Variants in SPSB1 observed in about 807,000 individuals in gnomAD.
The protein encoded by SPSB1 is SPRY domain-containing SOCS box protein 1.
SPSB1 carries 8 observed loss-of-function variants against 21.2 expected under a neutral mutation model. The ratio of observed to expected loss-of-function variants is 0.38; its 90% CI spans 0.22 to 0.68. SPSB1 has a LOEUF of 0.68. Among genes scored for constraint, SPSB1 ranks in the 30% least tolerant of loss-of-function variants. SPSB1 has a pLI of 0.53. For missense variants in SPSB1, 242 were observed against 377.8 expected (o/e 0.64, Z 2.98); for synonymous variants, 169 against 161.7 (o/e 1.05, Z -0.34).
chr1:9,347,830 G>GTT (rs1640188396), intron 1 of SPSB1, among the ~76,000 whole-genome samples: 1 of 151,960 alleles, frequency 6.6e-6, no homozygotes, highest in Non-Finnish European at 1.5e-5. Context: ...GGACTGCCTC[G>GTT]TTGTACCTGC....
Position 9,369,333 on chromosome 1 carries a change from G to T in SPSB1, c.*1758G>T, listed in dbSNP as rs1416073116. On this transcript the variant is annotated 3_prime_UTR_variant, in exon 3 of 3. Coordinates refer to ENST00000328089, the MANE Select transcript of SPSB1 (RefSeq NM_025106.4). ...GATCCCAGCTTATGGCCTTGACCCA[G>T]CCGTCCTCACAGATGCCGGGTGACC... is the stretch of plus-strand genomic sequence containing the variant. 6.6e-6 allele frequency: 1 copy of T among 151,908 alleles called. No homozygotes were observed. Among genetic ancestry groups the T allele is most frequent in the East Asian group, 1.9e-4 (1 of 5,172 alleles). The allele number at this position is 151,908 out of a possible 1,614,324, so 9.4% of individuals were successfully genotyped here.
intron 2 of SPSB1, among the ~76,000 whole-genome samples, chr1:9,358,353 C>T (rs1467237986): frequency 6.6e-6 from 1 of 152,180 alleles, no homozygotes; most frequent in Non-Finnish European, 1.5e-5. Context: ...CTGGCGCCCC[C>T]AGGTCATGGG....
At chr1:9,340,864 C>T (rs1477721354) in intron 1 of SPSB1, among the ~76,000 whole-genome samples, 1 of 152,234 alleles carries the variant, frequency 6.6e-6, no homozygotes, top group African/African-American at 2.4e-5. Context: ...GCACATGAAA[C>T]GCACATTTGT....
chr1:9,327,126 G>A (rs561375049), intron 1 of SPSB1, among the ~76,000 whole-genome samples: 1 of 152,162 alleles, frequency 6.6e-6, no homozygotes, highest in Non-Finnish European at 1.5e-5. Context: ...AACCCCCAGT[G>A]CCCACTTGCA....
intron 1 of SPSB1, among the ~76,000 whole-genome samples, chr1:9,315,106 C>G (rs1037236781): frequency 6.6e-6 from 1 of 152,234 alleles, no homozygotes; most frequent in Non-Finnish European, 1.5e-5. Flanking sequence ...TGAATCTCCC[C>G]TCTCTGTAGA....
At chr1:9,335,836 T>C (rs1266343042) in intron 1 of SPSB1, among the ~76,000 whole-genome samples, 1 of 152,176 alleles carries the variant, frequency 6.6e-6, no homozygotes, top group Non-Finnish European at 1.5e-5. Flanking sequence ...AATGTTGTGG[T>C]TCTCTGGTCC....
intron 1 of SPSB1, among the ~76,000 whole-genome samples, chr1:9,303,703 G>T (rs1439146090): frequency 2.0e-5 from 3 of 152,178 alleles, no homozygotes; most frequent in African/African-American, 7.2e-5. Context: ...CAGGATAGTA[G>T]TGTCACGATA....
At chr1:9,354,245 C>A (rs12404231) in intron 1 of SPSB1, among the ~76,000 whole-genome samples, 2 of 152,308 alleles carry the variant, frequency 1.3e-5, no homozygotes, top group Admixed American at 1.3e-4. Flanking sequence ...CCTTTGGGTT[C>A]TCTTTGTCTC....
chr1:9,323,070 A>G (rs1265533696), intron 1 of SPSB1, among the ~76,000 whole-genome samples: 1 of 152,158 alleles, frequency 6.6e-6, no homozygotes, highest in African/African-American at 2.4e-5. Flanking sequence ...TGGACGGGCC[A>G]GGCGGCCGCC....
In SPSB1 at chr1:9,346,624, G is replaced by T. The variant is rs997733698; in HGVS notation, c.-149-9119G>T. 2.0e-5 allele frequency among the ~76,000 whole-genome samples: 3 copies of T among 152,216 alleles called. No homozygotes were observed. The highest frequency in any genetic ancestry group is 7.2e-5 in the African/African-American group (3 of 41,448). On this transcript the variant is annotated intron_variant, in intron 1 of 2. Transcript: ENST00000328089. The surrounding 1 kb of genome is among the most constrained non-coding windows in gnomAD (Gnocchi z 4.4). ...TGGCTTTAATTGAAACACCATCGGG[G>T]GGTTGCCGGCAGGTGCTGTGCAGTC... is the stretch of plus-strand genomic sequence containing the variant.
In SPSB1 at chr1:9,321,567, G is replaced by A. The variant is rs1005391662; in HGVS notation, c.-150+28496G>A. On this transcript the variant is annotated intron_variant, in intron 1 of 2. Transcript: ENST00000328089. The surrounding 1 kb of genome is among the most constrained non-coding windows in gnomAD (Gnocchi z 4.8). ...GGAAGAGGGTGTTTGAGAGACTGAT[G>A]AGTCAGTGAGGGAGACCGATGCATA... 7.9e-5 allele frequency among the ~76,000 whole-genome samples: 12 copies of A among 152,178 alleles called. No homozygotes were observed. Among genetic ancestry groups the A allele is most frequent in the African/African-American group, 2.9e-4 (12 of 41,432 alleles).
chr1:9,328,862 A>G (rs898850984), intron 1 of SPSB1, among the ~76,000 whole-genome samples: 2 of 152,166 alleles, frequency 1.3e-5, no homozygotes, highest in Non-Finnish European at 2.9e-5. Context: ...GGCGTTTAGC[A>G]ATATCCCTGG....
chr1:9,350,943 G>A (rs1017542172), intron 1 of SPSB1, among the ~76,000 whole-genome samples: 3 of 152,206 alleles, frequency 2.0e-5, no homozygotes, highest in African/African-American at 7.2e-5. Flanking sequence ...CCTGGCCCAG[G>A]GATGTCTGTC....
chr1:9,330,805 C>T (rs1396092164), intron 1 of SPSB1, among the ~76,000 whole-genome samples: 3 of 151,998 alleles, frequency 2.0e-5, no homozygotes, highest in African/African-American at 7.3e-5. Context: ...ATTACCGGAT[C>T]GTACGATCAT....
At chr1:9,361,787 T>C (rs116349672) in intron 2 of SPSB1, among the ~76,000 whole-genome samples, 1 of 152,314 alleles carries the variant, frequency 6.6e-6, no homozygotes, top group Non-Finnish European at 1.5e-5. Context: ...AGATGGCCAT[T>C]GCTGAGTGGG....
intron 1 of SPSB1, among the ~76,000 whole-genome samples, chr1:9,306,986 G>A (rs551426037): frequency 2.0e-5 from 3 of 150,168 alleles, no homozygotes; most frequent in East Asian, 3.9e-4. Flanking sequence ...AGGGTGCAGC[G>A]GCACAGTCTC....
chr1:9,362,724 T>C (rs1447856266), intron 2 of SPSB1, among the ~76,000 whole-genome samples: 1 of 152,246 alleles, frequency 6.6e-6, no homozygotes, highest in Non-Finnish European at 1.5e-5. Flanking sequence ...GCTCTGGGGC[T>C]GTGCATGTTC....
chr1:9,329,695 AAAC>A (rs1398036807), intron 1 of SPSB1, among the ~76,000 whole-genome samples: 2 of 141,778 alleles, frequency 1.4e-5, no homozygotes, highest in African/African-American at 6.2e-5. Flanking sequence ...CTCATTTCAA[AAAC>A]AACAACAAAA....
intron 1 of SPSB1, among the ~76,000 whole-genome samples, chr1:9,302,887 C>T (rs558465291): frequency 6.6e-6 from 1 of 152,270 alleles, no homozygotes; most frequent in African/African-American, 2.4e-5. Context: ...CGCATCATAT[C>T]CCCTAGGGAC....
Sources: gnomAD v4.1 joint callset for allele counts (sites outside exome capture counted in the v4.1 genomes callset) on GRCh38, gnomAD v4.1.1 for gene constraint, Gnocchi (gnomAD v3.1) non-coding constraint, MANE v1.5 for transcripts, NCBI Gene and HGNC (gene_info 2026-07-23, HGNC 2026-07-21) for gene names.